Variants in PARP14 observed in about 807,000 individuals in gnomAD.
PARP14 encodes poly(ADP-ribose) polymerase family member 14, also known as protein mono-ADP-ribosyltransferase PARP14.
In PARP14, 59 loss-of-function variants were observed where a neutral mutation model predicts 154.2. That is an observed-to-expected ratio of 0.38 (90% CI 0.31 to 0.48). The LOEUF (loss-of-function observed/expected upper bound fraction) is 0.48. Ranked by LOEUF, PARP14 falls within the 20% of genes least tolerant of loss-of-function variation. The pLI, the probability that PARP14 is intolerant of heterozygous loss-of-function variation, is 0.98. For synonymous variants in PARP14, 720 were observed against 780.5 expected, an observed-to-expected ratio of 0.92 and a Z score of 1.29; for missense variants, 1,734 against 2,131.6, an observed-to-expected ratio of 0.81 and a Z score of 3.67.
At position 122,728,410 on chromosome 3, in the gene PARP14, A is replaced by C; in HGVS notation, c.5219A>C (p.Tyr1740Ser). The C allele has an allele frequency of 6.2e-7, 1 of 1,613,662 alleles. No homozygotes were observed. The change falls in exon 17 of 17, where the codon TAT becomes TCT. Residue 1740 changes from tyrosine to serine, a missense_variant. By Grantham distance (144) the Tyr-to-Ser change is moderately radical. This residue lies in a region of PARP14 where 88 missense variants were observed against 155.6 expected (regional missense o/e 0.57). Coordinates refer to ENST00000474629, the MANE Select transcript of PARP14 (RefSeq NM_017554.3). ...PDANGRKHVYYVRVLTGIYTH... is the reference protein window; with the variant it reads ...PDANGRKHVYSVRVLTGIYTH... ...GCAAATGGGAGAAAGCATGTGTATT[A>C]TGTGCGAGTACTTACTGGAATCTAT...
intron 12 of PARP14, among the ~76,000 whole-genome samples, chr3:122,717,640 T>A (rs1933031945): frequency 6.6e-6 from 1 of 152,228 alleles, no homozygotes. Flanking sequence ...TGATGACTGA[T>A]CCTAAAAAAG....
chr3:122,697,357 T>G (rs1246355062), intron 5 of PARP14, among the ~76,000 whole-genome samples: 1 of 152,266 alleles, frequency 6.6e-6, no homozygotes, highest in African/African-American at 2.4e-5. Context: ...TTATAATCCC[T>G]GTTTTGCACA....
intron 8 of PARP14, among the ~76,000 whole-genome samples, chr3:122,705,360 A>T (rs1309278981): frequency 6.6e-6 from 1 of 152,228 alleles, no homozygotes; most frequent in Middle Eastern, 3.2e-3. Flanking sequence ...ATTTCCCTCC[A>T]TATGGACATA....
intron 15 of PARP14, among the ~76,000 whole-genome samples, chr3:122,725,416 C>T (rs557399243): frequency 7.9e-5 from 12 of 152,194 alleles, no homozygotes; most frequent in East Asian, 5.8e-4. Context: ...CCAGACAGGG[C>T]GGCCGGGCAG....
chr3:122,680,866 C>T lies in PARP14; in HGVS notation c.-18C>T, dbSNP rs988582986. 2.5e-6 allele frequency: 4 copies of T among 1,584,234 alleles called. No individual in the cohort carries two copies. The East Asian group carries it at 9.2e-5, about 37-fold the overall frequency. On this transcript the variant is annotated 5_prime_UTR_variant, in exon 1 of 17. Transcript: ENST00000474629. ...AGTTGGCGCGGCCCCTGCAGTCCGG[C>T]GGAGAGCGGAGCTGAGGATGGCTGT...
At position 122,719,614 on chromosome 3, in the gene PARP14, T is replaced by G. The variant is rs1190186874; in HGVS notation, c.4808-641T>G. Among the ~76,000 whole-genome samples, 4 of 152,232 alleles carry G rather than the reference T, an allele frequency of 2.6e-5. 1 individual carries two copies. The highest frequency in any genetic ancestry group is 5.9e-5 in the Non-Finnish European group (4 of 68,046). On this transcript the variant is annotated intron_variant, in intron 14 of 16. Coordinates refer to ENST00000474629, the MANE Select transcript of PARP14 (RefSeq NM_017554.3). ...ATGAGTAAATTGGCTTCCATTACACTATATTTATCTCCTGTGAGATCAGTG... is the reference window on the plus strand; with the variant it reads ...ATGAGTAAATTGGCTTCCATTACACGATATTTATCTCCTGTGAGATCAGTG...
intron 2 of PARP14, among the ~76,000 whole-genome samples, chr3:122,685,756 C>A (rs1560045961): frequency 6.6e-6 from 1 of 152,064 alleles, no homozygotes; most frequent in Non-Finnish European, 1.5e-5. Context: ...GATCGGCCCA[C>A]CTAGGCCTCC....
intron 10 of PARP14, 66 bp from the exon 11 acceptor site, chr3:122,713,806 T>C (rs1939396588): frequency 8.3e-7 from 1 of 1,198,026 alleles, no homozygotes; most frequent in South Asian, 1.2e-5. Context: ...AGATAATCCT[T>C]CTGATCCAAA....
chr3:122,712,442 T>C (rs1427030867), intron 9 of PARP14, among the ~76,000 whole-genome samples: 5 of 152,130 alleles, frequency 3.3e-5, no homozygotes, highest in Admixed American at 1.3e-4. Flanking sequence ...GAGAGAAGGT[T>C]TTACCATGTT....
rs1452170207 is a variant in PARP14 at position 122,728,908 on chromosome 3, T to C, written c.*311T>C. On this transcript the variant is annotated 3_prime_UTR_variant, in exon 17 of 17. Coordinates refer to ENST00000474629, the MANE Select transcript of PARP14 (RefSeq NM_017554.3). ...CAGGAAGGAGAGAATAACAGTCTTA[T>C]AGACAGAGGGCACAGCTAAGCACAG... The C allele has an allele frequency of 9.6e-6, 3 of 312,378 alleles. No individual in the cohort carries two copies. The highest frequency in any genetic ancestry group is 9.2e-5 in the Admixed American group (2 of 21,686). The allele number at this position is 312,378 out of a possible 1,614,324, so 19.4% of individuals were successfully genotyped here.
At position 122,729,066 on chromosome 3, in the gene PARP14, A is replaced by T. The variant is rs1156410961; in HGVS notation, c.*469A>T. On this transcript the variant is annotated 3_prime_UTR_variant, in exon 17 of 17. Transcript: ENST00000474629. ...TCTTAGTCAATTTTTTTCCCTTGAGATGAGGTCTGTGCCTGATGTACAACG... is the reference window on the plus strand; with the variant it reads ...TCTTAGTCAATTTTTTTCCCTTGAGTTGAGGTCTGTGCCTGATGTACAACG... 6.3e-6 allele frequency: 1 copy of T among 159,618 alleles called. No homozygotes were observed. Among genetic ancestry groups the T allele is most frequent in the African/African-American group, 2.4e-5 (1 of 41,486 alleles). The allele number at this position is 159,618 out of a possible 1,614,324, so 9.9% of individuals were successfully genotyped here.
At position 122,703,901 on chromosome 3, in the gene PARP14, A is replaced by C; in HGVS notation, c.3241A>C (p.Ser1081Arg). The change falls in exon 7 of 17, where the codon AGC (serine) becomes CGC (arginine). Residue 1081 changes from serine to arginine, a missense_variant. Physicochemically the swap from Ser to Arg is moderately radical, Grantham distance 110 (BLOSUM62 -1). Coordinates refer to ENST00000474629, the MANE Select transcript of PARP14 (RefSeq NM_017554.3). ...CATGGGCACAGTGCTCAAAACCAGC[A>C]GCTGGAATCTGGACTGTCGCTATGT... ...VSMGTVLKTS[S>R]WNLDCRYVLH... The C allele has an allele frequency of 1.2e-6, 2 of 1,614,044 alleles. No homozygotes were observed. The highest frequency in any genetic ancestry group is 1.7e-6 in the Non-Finnish European group (2 of 1,179,898).
At chr3:122,720,807 TA>T (rs1560083342) in intron 15 of PARP14, 3 of 456,950 alleles carry the variant, frequency 6.6e-6, no homozygotes, top group Admixed American at 2.3e-5. Context: ...TTTTCTCGTT[TA>T]TCATAATTAT....
intron 8 of PARP14, among the ~76,000 whole-genome samples, chr3:122,707,778 G>A (rs1024726595): frequency 2.6e-5 from 4 of 152,072 alleles, no homozygotes; most frequent in East Asian, 1.9e-4. Context: ...CAGCCTGGGC[G>A]ACACCCCAGC....
intron 1 of PARP14, among the ~76,000 whole-genome samples, chr3:122,684,854 T>A (rs1046184456): frequency 4.6e-5 from 7 of 152,226 alleles, no homozygotes; most frequent in African/African-American, 1.7e-4. Context: ...TCAGGTCCTG[T>A]ACCAAGTTCT....
chr3:122,721,568 C>CAG (rs10639897), intron 15 of PARP14: 30,065 of 152,130 alleles, frequency 0.2, 3,072 homozygotes, highest in Middle Eastern at 0.26. Flanking sequence ...GCCTGGTCGA[C>CAG]AGAGTGAGAC....
chr3:122,714,511 G>T lies in PARP14; in HGVS notation c.4000+82G>T, dbSNP rs74514163. ...TTGGAGCTGAGTGTGAATGCGGTCA[G>T]TGCTGAGTCTGACCCAGGGCAGCAA... On this transcript the variant is annotated intron_variant, in intron 12 of 16. Transcript: ENST00000474629. The T allele has an allele frequency of 7.9e-4, 881 of 1,111,866 alleles. 7 individuals are homozygous for T. The African/African-American group carries it at 0.013, about 17-fold the overall frequency. The allele number at this position is 1,111,866 out of a possible 1,614,324, so 68.9% of individuals were successfully genotyped here.
chr3:122,723,039 G>A (rs1244022463), intron 15 of PARP14, among the ~76,000 whole-genome samples: 2 of 151,746 alleles, frequency 1.3e-5, no homozygotes, highest in Admixed American at 6.6e-5. Flanking sequence ...GGTTGCAAGC[G>A]ATTCTCCTGC....
Position 122,701,726 on chromosome 3 carries a change from C to A in PARP14, c.3081+91C>A. ...TGGAGGGCTGAAGAAAGATAAGGAC[C>A]AAGGTGAGAATCAAGGGAGAGAATC... On this transcript the variant is annotated intron_variant, in intron 6 of 16. Transcript: ENST00000474629. The surrounding 1 kb of genome is among the most constrained non-coding windows in gnomAD (Gnocchi z 4.0). 4.2e-6 allele frequency: 4 copies of A among 944,392 alleles called. No individual in the cohort carries two copies. The highest frequency in any genetic ancestry group is 2.7e-5 in the East Asian group (1 of 37,734). The allele number at this position is 944,392 out of a possible 1,614,324, so 58.5% of individuals were successfully genotyped here. A position where few individuals can be genotyped will look rare whatever the true frequency, so the allele number is the denominator to read the frequency against.
Sources: gnomAD v4.1 joint callset for allele counts (sites outside exome capture counted in the v4.1 genomes callset) on GRCh38, gnomAD v4.1.1 for gene constraint, gnomAD v4.1.1 regional missense constraint, Gnocchi (gnomAD v3.1) non-coding constraint, MANE v1.5 for transcripts, NCBI Gene and HGNC (gene_info 2026-07-23, HGNC 2026-07-21) for gene names.